Variants in TAS2R1 observed in about 807,000 individuals in gnomAD.
TAS2R1 encodes taste 2 receptor member 1.
For missense variants in TAS2R1, 370 were observed against 353.4 expected, an observed-to-expected ratio of 1.05 and a Z score of -0.38; for synonymous variants, 141 against 134.2, an observed-to-expected ratio of 1.05 and a Z score of -0.35.
At position 9,690,060 on chromosome 5, in the gene TAS2R1, G is replaced by A. The variant is rs149282833; in HGVS notation, c.-242+22112C>T. ...TTTTCTAAACTATACAACCAAAACT[G>A]TATAGTAATCTAGCATTGGAAATTA... On this transcript the variant is annotated intron_variant, in intron 1 of 2. Transcript: ENST00000506620. 6.6e-5 allele frequency among the ~76,000 whole-genome samples: 10 copies of A among 152,278 alleles called. No individual in the cohort carries two copies. The East Asian group carries it at 1.4e-3, about 21-fold the overall frequency.
At chr5:9,787,295 T>C in the TAS2R1 span, among the ~76,000 whole-genome samples, 1 of 152,194 alleles carries the variant, frequency 6.6e-6, no homozygotes, top group Non-Finnish European at 1.5e-5. Context: ...CTTTGCAAAT[T>C]ATAGCACCCA....
At chr5:9,869,052 C>A in the TAS2R1 span, among the ~76,000 whole-genome samples, 1 of 152,156 alleles carries the variant, frequency 6.6e-6, no homozygotes, top group Non-Finnish European at 1.5e-5. Context: ...GTTTTCTGAG[C>A]CCTCCAAGTC....
rs1251906205 is a variant in TAS2R1 at position 9,627,667 on chromosome 5, A to G, written c.*1466T>C. Among the ~76,000 whole-genome samples the G allele has an allele frequency of 1.3e-5, 2 of 152,218 alleles. No individual in the cohort carries two copies. Among genetic ancestry groups the G allele is most frequent in the African/African-American group, 4.8e-5 (2 of 41,458 alleles). Reference sequence around the variant, plus strand: ...TTTCCCCCATTCAGAAGCAATAATTACACCCAGGATACAACTGATCTTCCC... The same window carrying G: ...TTTCCCCCATTCAGAAGCAATAATTGCACCCAGGATACAACTGATCTTCCC... On this transcript the variant is annotated 3_prime_UTR_variant, in exon 1 of 1. Coordinates refer to ENST00000382492, the MANE Select transcript of TAS2R1 (RefSeq NM_019599.3).
At chr5:9,780,690 T>TGTGTGTGTGC in the TAS2R1 span, among the ~76,000 whole-genome samples, 32 of 152,004 alleles carry the variant, frequency 2.1e-4, no homozygotes, top group East Asian at 4.9e-3. Context: ...TGTGTGTGTG[T>TGTGTGTGTGC]GCGCGCGCGC....
At chr5:9,688,396 G>A (rs1741169405) in intron 1 of TAS2R1, among the ~76,000 whole-genome samples, 2 of 152,116 alleles carry the variant, frequency 1.3e-5, no homozygotes, top group Admixed American at 1.3e-4. Context: ...AGGAATACAT[G>A]GATGTTGTTA....
the TAS2R1 span, chr5:9,870,047 CCTT>C: frequency 1.3e-5 from 2 of 152,244 alleles, no homozygotes; most frequent in African/African-American, 4.8e-5. Context: ...GACCACCCAT[CCTT>C]CTGGAAACAT....
At chr5:9,773,098 T>C in the TAS2R1 span, among the ~76,000 whole-genome samples, 1 of 152,094 alleles carries the variant, frequency 6.6e-6, no homozygotes, top group Non-Finnish European at 1.5e-5. Flanking sequence ...CCTTCCTTCA[T>C]TTCTTTTTTT....
At chr5:9,683,029 A>T (rs188052735) in intron 1 of TAS2R1, among the ~76,000 whole-genome samples, 11 of 152,326 alleles carry the variant, frequency 7.2e-5, no homozygotes, top group African/African-American at 2.6e-4. Flanking sequence ...AAGATCCTTT[A>T]ATGTAGTCTA....
At chr5:9,770,771 T>C in the TAS2R1 span, among the ~76,000 whole-genome samples, 2 of 152,202 alleles carry the variant, frequency 1.3e-5, no homozygotes, top group Non-Finnish European at 2.9e-5. Context: ...CTTTACTGCA[T>C]TGGTTTCTCA....
chr5:9,802,793 C>A, the TAS2R1 span, among the ~76,000 whole-genome samples: 17 of 152,242 alleles, frequency 1.1e-4, no homozygotes, highest in Admixed American at 1.0e-3. Flanking sequence ...GTCCCAGCTA[C>A]TCGGGTGGCT....
In TAS2R1 at chr5:9,647,121, A is replaced by C. The variant is rs528950061; in HGVS notation, c.-81+12300T>G. On this transcript the variant is annotated intron_variant, in intron 2 of 2. Transcript: ENST00000506620. ...GAAAAACCATGAACTCGGCTTTTTA[A>C]ATTCAATACAGTAAACTTAATACAG... Among the ~76,000 whole-genome samples, 10 of 152,262 alleles carry C rather than the reference A, an allele frequency of 6.6e-5. No individual in the cohort carries two copies. In the South Asian group the frequency reaches 2.1e-3, roughly 32 times the overall value.
At chr5:9,896,647 A>G in the TAS2R1 span, among the ~76,000 whole-genome samples, 26,987 of 152,202 alleles carry the variant, frequency 0.18, 2,508 homozygotes, top group Middle Eastern at 0.28. Flanking sequence ...TTTGTGCCCC[A>G]AAAACAAGGG....
At chr5:9,845,946 G>A in the TAS2R1 span, among the ~76,000 whole-genome samples, 1 of 152,100 alleles carries the variant, frequency 6.6e-6, no homozygotes, top group South Asian at 2.1e-4. Context: ...AATGTCAAAT[G>A]CCAAATAAAA....
At chr5:9,726,524 G>A in the TAS2R1 span, among the ~76,000 whole-genome samples, 1 of 152,066 alleles carries the variant, frequency 6.6e-6, no homozygotes, top group African/African-American at 2.4e-5. Context: ...TCACTCTTTG[G>A]GTCCACACTG....
chr5:9,804,100 C>T, the TAS2R1 span, among the ~76,000 whole-genome samples: 672 of 152,150 alleles, frequency 4.4e-3, 6 homozygotes, highest in African/African-American at 0.015. Context: ...ATTCTTATAT[C>T]AGATAAAACA....
At chr5:9,890,104 AG>A in the TAS2R1 span, among the ~76,000 whole-genome samples, 1 of 152,176 alleles carries the variant, frequency 6.6e-6, no homozygotes, top group Admixed American at 6.5e-5. Flanking sequence ...TAGGGTAAAA[AG>A]AAAAAGGGAC....
chr5:9,887,011 A>G, the TAS2R1 span, among the ~76,000 whole-genome samples: 1 of 152,098 alleles, frequency 6.6e-6, no homozygotes, highest in Non-Finnish European at 1.5e-5. Context: ...TACAACATAT[A>G]CCCATTTCTT....
At chr5:9,811,008 A>G in the TAS2R1 span, among the ~76,000 whole-genome samples, 1 of 152,140 alleles carries the variant, frequency 6.6e-6, no homozygotes, top group South Asian at 2.1e-4. Flanking sequence ...GTTCCTTGTT[A>G]TGGTTTAAAT....
the TAS2R1 span, among the ~76,000 whole-genome samples, chr5:9,725,512 G>A: frequency 3.3e-4 from 50 of 152,306 alleles, no homozygotes; most frequent in Middle Eastern, 3.4e-3. Context: ...CCGGCCTACC[G>A]GCGCTGCGCT....
Sources: gnomAD v4.1 joint callset for allele counts (sites outside exome capture counted in the v4.1 genomes callset) on GRCh38, gnomAD v4.1.1 for gene constraint, MANE v1.5 for transcripts, NCBI Gene and HGNC (gene_info 2026-07-23, HGNC 2026-07-21) for gene names.